The following TMC7 variants were observed in gnomAD, a reference collection of about 807,000 sequenced individuals.
The protein encoded by TMC7 is transmembrane channel-like protein 7.
A neutral mutation model predicts 82.9 loss-of-function variants in TMC7; 54 were observed. That is an observed-to-expected ratio of 0.65 (90% CI 0.52 to 0.82). The LOEUF (loss-of-function observed/expected upper bound fraction) is 0.82, where lower values mean the gene tolerates loss of function less well. Ranked by LOEUF, TMC7 falls within the 40% of genes least tolerant of loss-of-function variation. TMC7 has a pLI of 0.00. For missense variants in TMC7, 820 were observed against 901.2 expected, an observed-to-expected ratio of 0.91 and a Z score of 1.15; for synonymous variants, 350 against 337.9, an observed-to-expected ratio of 1.04 and a Z score of -0.39.
At chr16:18,998,753 CAAAAAAA>C (rs36110318) in intron 1 of TMC7, among the ~76,000 whole-genome samples, 1 of 145,922 alleles carries the variant, frequency 6.9e-6, no homozygotes, top group South Asian at 2.2e-4. Context: ...GACTCTGTCT[CAAAAAAA>C]AAAAAAGAAA....
intron 2 of TMC7, among the ~76,000 whole-genome samples, chr16:19,016,165 C>T (rs964420628): frequency 3.3e-5 from 5 of 152,028 alleles, no homozygotes; most frequent in African/African-American, 9.7e-5. Context: ...GGCACCATCT[C>T]GGCTCACCGC....
At chr16:18,986,563 A>T (rs1238741453) in intron 1 of TMC7, among the ~76,000 whole-genome samples, 1 of 152,010 alleles carries the variant, frequency 6.6e-6, no homozygotes. Flanking sequence ...TCAAAAACAG[A>T]AAAACAACTT....
intron 11 of TMC7, 69 bp from the exon 12 acceptor site, chr16:19,046,994 G>C: frequency 7.3e-7 from 1 of 1,365,918 alleles, no homozygotes; most frequent in South Asian, 1.4e-5. Flanking sequence ...AAATAGTCCT[G>C]ATCTTTGTGA....
chr16:19,031,636 A>C (rs1168184781), intron 6 of TMC7, among the ~76,000 whole-genome samples: 2 of 152,072 alleles, frequency 1.3e-5, no homozygotes, highest in Non-Finnish European at 2.9e-5. Context: ...GTACCACTGC[A>C]CTCCAGCCTG....
intron 13 of TMC7, among the ~76,000 whole-genome samples, chr16:19,054,285 G>A (rs76530748): frequency 1.0e-3 from 155 of 152,096 alleles, no homozygotes; most frequent in African/African-American, 3.3e-3. Context: ...GCAGTAAAAC[G>A]CATATGCCCT....
intron 2 of TMC7, among the ~76,000 whole-genome samples, chr16:19,014,387 G>C (rs1487426853): frequency 6.6e-6 from 1 of 152,178 alleles, no homozygotes; most frequent in East Asian, 1.9e-4. Flanking sequence ...ACTGATCTAA[G>C]GGTAGGTACT....
Position 19,046,595 on chromosome 16 carries a change from G to GA in TMC7, c.1554-467dup, listed in dbSNP as rs978729205. On this transcript the variant is annotated intron_variant, in intron 11 of 15. Coordinates refer to ENST00000304381, the MANE Select transcript of TMC7 (RefSeq NM_024847.4). ...TCACACCCATAATCCTAGCACTGGG[G>GA]AGGCCAAGGTAGGAGGATCACTTGA... is the stretch of plus-strand genomic sequence containing the variant. 5.3e-5 allele frequency among the ~76,000 whole-genome samples: 8 copies of GA among 152,252 alleles called. 1 individual carries two copies. Among genetic ancestry groups the GA allele is most frequent in the African/African-American group, 1.7e-4 (7 of 41,560 alleles).
At chr16:19,020,394 AT>A (rs540429423) in intron 3 of TMC7, among the ~76,000 whole-genome samples, 8 of 150,794 alleles carry the variant, frequency 5.3e-5, no homozygotes, top group Non-Finnish European at 1.2e-4. Flanking sequence ...ATAAAATGTC[AT>A]TTTTTTTTGC....
intron 1 of TMC7, 181 bp downstream of exon 1, chr16:18,984,311 A>G: frequency 7.6e-7 from 1 of 1,313,120 alleles, no homozygotes; most frequent in South Asian, 2.1e-5. Context: ...TCCCTCCACA[A>G]ACGCGTCCTC....
At chr16:19,034,330 G>C (rs1223867242) in intron 6 of TMC7, among the ~76,000 whole-genome samples, 2 of 152,128 alleles carry the variant, frequency 1.3e-5, no homozygotes, top group African/African-American at 4.8e-5. Flanking sequence ...TAGGTGCGGT[G>C]GCTCATGCCT....
chr16:19,035,472 C>T (rs558485040), intron 6 of TMC7, among the ~76,000 whole-genome samples: 1 of 152,148 alleles, frequency 6.6e-6, no homozygotes, highest in African/African-American at 2.4e-5. Flanking sequence ...GTAATTGAAG[C>T]GATTAGATGG....
rs1057120676 is a variant in TMC7, at chr16:19,063,363, G to A, written c.*1520G>A. On this transcript the variant is annotated 3_prime_UTR_variant, in exon 16 of 16. Coordinates refer to ENST00000304381, the MANE Select transcript of TMC7 (RefSeq NM_024847.4). ...AAGTCAGAAGTTTGAGACCAGCCTG[G>A]TCAATGTGGCAAGACCCCGTCTCTA... 1 of 152,154 alleles carries A rather than the reference G, an allele frequency of 6.6e-6. No individual in the cohort carries two copies. The highest frequency in any genetic ancestry group is 1.5e-5 in the Non-Finnish European group (1 of 68,046). 9.4% of individuals were successfully genotyped at this position (152,154 alleles called of 1,614,324 possible).
intron 6 of TMC7, among the ~76,000 whole-genome samples, chr16:19,035,234 T>C (rs1379764387): frequency 6.6e-6 from 1 of 152,042 alleles, no homozygotes; most frequent in African/African-American, 2.4e-5. Flanking sequence ...TGGGTACTCA[T>C]GGACATAAAG....
intron 11 of TMC7, 60 bp from the exon 12 acceptor site, chr16:19,047,003 G>T: frequency 7.0e-7 from 1 of 1,424,384 alleles, no homozygotes; most frequent in South Asian, 1.3e-5. Context: ...TGATCTTTGT[G>T]ATATGGTTCT....
intron 1 of TMC7, among the ~76,000 whole-genome samples, chr16:18,991,468 G>T (rs994356904): frequency 6.6e-6 from 1 of 152,078 alleles, no homozygotes; most frequent in Non-Finnish European, 1.5e-5. Context: ...ACAACACTCT[G>T]CATTTAAAAA....
chr16:19,002,017 G>C (rs964193002), intron 1 of TMC7, among the ~76,000 whole-genome samples: 1 of 152,152 alleles, frequency 6.6e-6, no homozygotes, highest in South Asian at 2.1e-4. Context: ...GGTTGGGCAA[G>C]TTTCTTGGCT....
chr16:18,991,970 C>G (rs1212229568), intron 1 of TMC7, among the ~76,000 whole-genome samples: 3 of 151,856 alleles, frequency 2.0e-5, no homozygotes, highest in African/African-American at 7.3e-5. Context: ...TGTATATGTG[C>G]CACATTTTCT....
chr16:18,984,558 C>A, intron 1 of TMC7: 1 of 997,794 alleles, frequency 1.0e-6, no homozygotes, highest in Non-Finnish European at 1.2e-6. Flanking sequence ...TCTGCCTTGT[C>A]TGTTTATTGC....
Position 19,045,341 on chromosome 16 carries a change from T to C in TMC7, c.1456T>C (p.Cys486Arg). 2 of 1,613,440 alleles carry C rather than the reference T, an allele frequency of 1.2e-6. No individual in the cohort carries two copies. The highest frequency in any genetic ancestry group is 1.7e-6 in the Non-Finnish European group (2 of 1,179,396). Residue 486 changes from cysteine to arginine, a missense_variant and splice_region_variant, in exon 11 of 16, where the codon TGC (cysteine) becomes CGC (arginine). Transcript: ENST00000304381. ...TTTCCCTCACTCTCTTTGATTTCAGTGCTGGGAGACCCAAGTTGGGCAGGA... is the reference window on the plus strand; with the variant it reads ...TTTCCCTCACTCTCTTTGATTTCAGCGCTGGGAGACCCAAGTTGGGCAGGA... The part of the protein sequence containing the change: ...LCGYNQKLYP[C>R]WETQVGQEMY...
Sources: gnomAD v4.1 joint callset for allele counts (sites outside exome capture counted in the v4.1 genomes callset) on GRCh38, gnomAD v4.1.1 for gene constraint, MANE v1.5 for transcripts, NCBI Gene and HGNC (gene_info 2026-07-23, HGNC 2026-07-21) for gene names.